Variants in TANC2 observed in about 807,000 individuals in gnomAD.
TANC2 encodes the protein protein TANC2.
A neutral mutation model predicts 210.5 loss-of-function variants in TANC2; 26 were observed. The observed-to-expected ratio is 0.12, with a 90% CI of 0.09 to 0.17. TANC2 has a LOEUF of 0.17. Among genes scored for constraint, TANC2 ranks in the 10% least tolerant of loss-of-function variants. The pLI is 1.00. For synonymous variants in TANC2, 931 were observed against 967.1 expected, an observed-to-expected ratio of 0.96 and a Z score of 0.69; for missense variants, 2,129 against 2,608.9, an observed-to-expected ratio of 0.82 and a Z score of 4.01.
chr17:63,143,227 A>G (rs530527834), intron 4 of TANC2, among the ~76,000 whole-genome samples: 10 of 152,356 alleles, frequency 6.6e-5, no homozygotes, highest in East Asian at 1.9e-4. Flanking sequence ...TTTTTAACAC[A>G]TCTGAGTTTT....
chr17:62,969,082 GA>G (rs1184887489), intron 1 of TANC2, among the ~76,000 whole-genome samples: 4 of 151,956 alleles, frequency 2.6e-5, no homozygotes, highest in Non-Finnish European at 5.9e-5. Flanking sequence ...TGTATTGCTT[GA>G]AAAAAATCTG....
chr17:63,344,723 T>C (rs1014716083), intron 12 of TANC2, among the ~76,000 whole-genome samples: 3 of 152,202 alleles, frequency 2.0e-5, no homozygotes, highest in Non-Finnish European at 4.4e-5. Context: ...ATTTTAAAAC[T>C]ACGTGGCAGT....
intron 9 of TANC2, among the ~76,000 whole-genome samples, chr17:63,297,290 T>G (rs2044565951): frequency 6.6e-6 from 1 of 152,062 alleles, no homozygotes; most frequent in Non-Finnish European, 1.5e-5. Context: ...AAGTTGGAAG[T>G]GTCAAACGTC....
chr17:63,340,714 C>T (rs1157433686), intron 12 of TANC2, among the ~76,000 whole-genome samples: 1 of 152,068 alleles, frequency 6.6e-6, no homozygotes, highest in African/African-American at 2.4e-5. Context: ...TAATAAAAAA[C>T]ATATTTTATT....
At chr17:63,172,190 TTTC>T (rs1419545226) in intron 5 of TANC2, among the ~76,000 whole-genome samples, 2 of 151,326 alleles carry the variant, frequency 1.3e-5, no homozygotes, top group Admixed American at 1.3e-4. Context: ...TTTCTTTTCT[TTTC>T]TTTTTTTTTT....
chr17:63,140,770 C>CA (rs1424854748), intron 4 of TANC2, among the ~76,000 whole-genome samples: 2 of 152,170 alleles, frequency 1.3e-5, no homozygotes, highest in South Asian at 2.1e-4. Context: ...GTTTTTGAGA[C>CA]AGAGTGTCGC....
At chr17:63,232,189 A>G (rs1182571773) in intron 7 of TANC2, among the ~76,000 whole-genome samples, 1 of 152,130 alleles carries the variant, frequency 6.6e-6, no homozygotes, top group South Asian at 2.1e-4. Flanking sequence ...GCTTCTTTGC[A>G]TTGGGTTAGA....
intron 4 of TANC2, among the ~76,000 whole-genome samples, chr17:63,114,788 C>A (rs946271284): frequency 3.3e-5 from 5 of 152,100 alleles, no homozygotes; most frequent in Non-Finnish European, 7.4e-5. Context: ...GCATGACTTA[C>A]CTAAATTAAT....
intron 1 of TANC2, among the ~76,000 whole-genome samples, chr17:62,995,369 C>T (rs1443431472): frequency 6.6e-6 from 1 of 152,140 alleles, no homozygotes; most frequent in Non-Finnish European, 1.5e-5. Context: ...GTAAATCTAT[C>T]TGGAAATATT....
chr17:63,291,750 G>T (rs557143259), intron 9 of TANC2, among the ~76,000 whole-genome samples: 1 of 152,294 alleles, frequency 6.6e-6, no homozygotes, highest in African/African-American at 2.4e-5. Context: ...ACCTTATCAG[G>T]TAGATGCTCT....
chr17:63,178,527 A>G (rs1053320981), intron 5 of TANC2, among the ~76,000 whole-genome samples: 4 of 152,226 alleles, frequency 2.6e-5, no homozygotes, highest in Admixed American at 6.5e-5. Flanking sequence ...CTTATTTTCT[A>G]ACATTCCTCA....
intron 3 of TANC2, among the ~76,000 whole-genome samples, chr17:63,079,842 G>A (rs557656833): frequency 7.7e-4 from 117 of 152,198 alleles, no homozygotes; most frequent in Middle Eastern, 3.4e-3. Context: ...TGGTACAGTG[G>A]ATTTTGACTC....
At chr17:63,331,018 G>T (rs1388273662) in intron 11 of TANC2, among the ~76,000 whole-genome samples, 6 of 152,200 alleles carry the variant, frequency 3.9e-5, no homozygotes, top group African/African-American at 1.4e-4. Context: ...AGAGGTTGCA[G>T]TGAGCCGAGA....
At chr17:63,227,966 C>T (rs575399026) in intron 7 of TANC2, among the ~76,000 whole-genome samples, 3 of 152,216 alleles carry the variant, frequency 2.0e-5, no homozygotes, top group East Asian at 1.9e-4. Flanking sequence ...TGGATTCAAG[C>T]GATGCTCCTG....
At chr17:63,321,151 T>C (rs1177468571) in intron 11 of TANC2, among the ~76,000 whole-genome samples, 1 of 152,064 alleles carries the variant, frequency 6.6e-6, no homozygotes, top group South Asian at 2.1e-4. Flanking sequence ...CTAGCCAAGA[T>C]TGCGCCACTG....
chr17:63,167,712 TA>T (rs1311316906), intron 5 of TANC2, among the ~76,000 whole-genome samples: 1 of 151,726 alleles, frequency 6.6e-6, no homozygotes, highest in African/African-American at 2.4e-5. Flanking sequence ...CCAAAATTAA[TA>T]AGAATCAAAG....
chr17:63,280,413 A>G (rs886275980), intron 9 of TANC2, among the ~76,000 whole-genome samples: 1 of 152,066 alleles, frequency 6.6e-6, no homozygotes, highest in African/African-American at 2.4e-5. Context: ...TACTCTCTAT[A>G]TAGAATAGAC....
chr17:63,404,346 A>G (rs2048434640), intron 19 of TANC2, among the ~76,000 whole-genome samples: 1 of 152,214 alleles, frequency 6.6e-6, no homozygotes, highest in East Asian at 1.9e-4. Context: ...CGTTCGTAAA[A>G]TCTCCTTTGT....
intron 3 of TANC2, among the ~76,000 whole-genome samples, chr17:63,082,476 GA>G (rs1234251424): frequency 6.6e-6 from 1 of 152,116 alleles, no homozygotes; most frequent in African/African-American, 2.4e-5. Flanking sequence ...AGACAAACCT[GA>G]AAACCTTCAC....
Sources: gnomAD v4.1 joint callset for allele counts (sites outside exome capture counted in the v4.1 genomes callset) on GRCh38, gnomAD v4.1.1 for gene constraint, MANE v1.5 for transcripts, NCBI Gene and HGNC (gene_info 2026-07-23, HGNC 2026-07-21) for gene names.